The following PDZRN4 variants were observed in gnomAD, a reference collection of about 807,000 sequenced individuals.
The protein encoded by PDZRN4 is PDZ domain-containing RING finger protein 4.
Under a neutral mutation model 99.0 loss-of-function variants are expected in PDZRN4, and 70 were observed. That is an observed-to-expected ratio of 0.71 (90% CI 0.58 to 0.86). The LOEUF is 0.86. PDZRN4 is among the 40% of genes least tolerant of loss of function. The pLI is 0.00. For missense variants in PDZRN4, 1,474 were observed against 1,331.2 expected (o/e 1.11, Z -1.67); for synonymous variants, 551 against 501.6 (o/e 1.10, Z -1.32).
rs1939512791 is a variant in PDZRN4 at position 41,573,082 on chromosome 12, A to G, written c.2303A>G (p.Asn768Ser). ...SSLPRVINLT[N>S]KKNLRSTMAA... ...CTTCCAAGGGTGATCAACCTCACCA[A>G]TAAGAAAAACCTGAGAAGCACAATG... The change falls in exon 10 of 10, where the codon AAT becomes AGT. Residue 768 changes from asparagine to serine, a missense_variant. Coordinates refer to ENST00000402685, the MANE Select transcript of PDZRN4 (RefSeq NM_001164595.2). The G allele has an allele frequency of 6.2e-7, 1 of 1,614,134 alleles. No individual in the cohort carries two copies.
chr12:41,299,160 A>C (rs186917467), intron 3 of PDZRN4, among the ~76,000 whole-genome samples: 10 of 152,252 alleles, frequency 6.6e-5, no homozygotes, highest in Admixed American at 4.6e-4. Flanking sequence ...ATAATTATTA[A>C]AAATAAAGAG....
intron 3 of PDZRN4, among the ~76,000 whole-genome samples, chr12:41,297,904 G>C (rs182195145): frequency 7.5e-4 from 114 of 152,300 alleles, no homozygotes; most frequent in Non-Finnish European, 1.3e-3. Context: ...CCAGAATGGA[G>C]AGGAAGATCG....
At chr12:41,229,396 T>C (rs1951014963) in intron 3 of PDZRN4, among the ~76,000 whole-genome samples, 1 of 151,916 alleles carries the variant, frequency 6.6e-6, no homozygotes, top group South Asian at 2.1e-4. Context: ...CAACCAAAAT[T>C]CCCTGTGCAC....
chr12:41,240,125 A>C (rs1018627229), intron 3 of PDZRN4, among the ~76,000 whole-genome samples: 2 of 93,438 alleles, frequency 2.1e-5, no homozygotes, highest in African/African-American at 8.0e-5. Flanking sequence ...ACTGCTTTGA[A>C]AAATTTGTCC....
At chr12:41,445,902 T>G (rs996737239) in intron 3 of PDZRN4, among the ~76,000 whole-genome samples, 4 of 152,094 alleles carry the variant, frequency 2.6e-5, no homozygotes, top group African/African-American at 9.7e-5. Flanking sequence ...GCAGCTGTGT[T>G]TTCTATATCT....
chr12:41,572,480 C>T lies in PDZRN4; in HGVS notation c.1701C>T (p.Ser567=). ...RTDESLRNDE[S]SEQENAAEDP... is the part of the protein sequence containing the mutation. ...ATGAAAGCTTGCGAAATGATGAGAG[C>T]TCAGAGCAGGAGAATGCAGCCGAGG... is the stretch of plus-strand genomic sequence containing the variant. Residue 567 remains serine (S), a synonymous_variant, in exon 10 of 10, where the codon AGC becomes AGT. Coordinates refer to ENST00000402685, the MANE Select transcript of PDZRN4 (RefSeq NM_001164595.2). The T allele has an allele frequency of 8.1e-6, 13 of 1,614,080 alleles. No individual in the cohort carries two copies. Among genetic ancestry groups the T allele is most frequent in the Non-Finnish European group, 1.1e-5 (13 of 1,179,982 alleles).
intron 3 of PDZRN4, among the ~76,000 whole-genome samples, chr12:41,293,322 T>G (rs1176700205): frequency 6.6e-6 from 1 of 150,496 alleles, no homozygotes; most frequent in Non-Finnish European, 1.5e-5. Context: ...TGGACACACA[T>G]GTAGCATCGT....
intron 3 of PDZRN4, among the ~76,000 whole-genome samples, chr12:41,291,995 A>G (rs1461673128): frequency 6.6e-6 from 1 of 152,196 alleles, no homozygotes; most frequent in African/African-American, 2.4e-5. Context: ...AACAGGCTAA[A>G]GGATCTGCAT....
intron 5 of PDZRN4, among the ~76,000 whole-genome samples, chr12:41,534,223 C>T (rs1008005043): frequency 1.1e-4 from 16 of 152,052 alleles, no homozygotes; most frequent in African/African-American, 3.9e-4. Context: ...GCTTTTCGTT[C>T]CTTTTTAAAC....
intron 3 of PDZRN4, among the ~76,000 whole-genome samples, chr12:41,299,217 C>G (rs1951515967): frequency 1.3e-5 from 2 of 151,962 alleles, no homozygotes; most frequent in Admixed American, 6.6e-5. Flanking sequence ...AATAATCAGT[C>G]AAAAACTTTC....
At chr12:41,558,825 G>T (rs1939214536) in intron 7 of PDZRN4, among the ~76,000 whole-genome samples, 1 of 152,120 alleles carries the variant, frequency 6.6e-6, no homozygotes, top group South Asian at 2.1e-4. Context: ...TCTTAAGGGT[G>T]ATTATGAAAT....
chr12:41,514,283 T>C (rs1938359143), intron 5 of PDZRN4, among the ~76,000 whole-genome samples: 1 of 152,056 alleles, frequency 6.6e-6, no homozygotes, highest in South Asian at 2.1e-4. Context: ...CCTTGTGCTG[T>C]GCTGAGAAGT....
intron 3 of PDZRN4, among the ~76,000 whole-genome samples, chr12:41,197,920 G>GTTTTTTTTTTTTTTGTTTTT (rs533696414): frequency 6.1e-5 from 7 of 115,614 alleles, no homozygotes; most frequent in African/African-American, 1.3e-4. Context: ...TTTTTTCTGG[G>GTTTTTTTTTTTTTTGTTTTT]TTTTTTTTTT....
chr12:41,281,543 A>C (rs1412608765), intron 3 of PDZRN4, among the ~76,000 whole-genome samples: 1 of 152,238 alleles, frequency 6.6e-6, no homozygotes, highest in Non-Finnish European at 1.5e-5. Context: ...GGAGCTGAAA[A>C]ACATAGCACA....
At chr12:41,529,486 T>TATTA (rs1938624263) in intron 5 of PDZRN4, among the ~76,000 whole-genome samples, 1 of 152,190 alleles carries the variant, frequency 6.6e-6, no homozygotes, top group Non-Finnish European at 1.5e-5. Flanking sequence ...ATCCCTAATA[T>TATTA]CTAGCATCAG....
intron 3 of PDZRN4, among the ~76,000 whole-genome samples, chr12:41,316,729 GA>G (rs1657676342): frequency 1.3e-5 from 2 of 151,668 alleles, no homozygotes; most frequent in African/African-American, 4.8e-5. Context: ...TCCTATAAAA[GA>G]AACTGAAATC....
At chr12:41,430,035 G>A (rs1053673261) in intron 3 of PDZRN4, among the ~76,000 whole-genome samples, 6 of 152,030 alleles carry the variant, frequency 3.9e-5, no homozygotes, top group African/African-American at 9.7e-5. Flanking sequence ...AACTTTATAC[G>A]GGGCTAGATT....
intron 3 of PDZRN4, among the ~76,000 whole-genome samples, chr12:41,490,485 G>A (rs991344413): frequency 4.6e-5 from 7 of 152,088 alleles, no homozygotes; most frequent in Admixed American, 6.6e-5. Flanking sequence ...ATGCCATGTC[G>A]ATTACAAAGT....
chr12:41,256,819 G>A (rs1481130540), intron 3 of PDZRN4, among the ~76,000 whole-genome samples: 5 of 152,114 alleles, frequency 3.3e-5, no homozygotes, highest in African/African-American at 4.8e-5. Flanking sequence ...GCCTATCTCA[G>A]GGAATGGTAT....
Sources: allele counts gnomAD v4.1 joint callset (sites outside exome capture counted in the v4.1 genomes callset), GRCh38; gene constraint gnomAD v4.1.1; transcripts MANE v1.5; gene names NCBI Gene and HGNC (gene_info 2026-07-23, HGNC 2026-07-21).